Variants in LGMN observed in about 807,000 individuals in gnomAD.
LGMN encodes the protein asparaginyl endopeptidase.
LGMN carries 36 observed loss-of-function variants against 56.8 expected under a neutral mutation model. That is an observed-to-expected ratio of 0.63 (90% CI 0.49 to 0.84). The LOEUF is 0.84. Ranked by LOEUF, LGMN falls within the 40% of genes least tolerant of loss-of-function variation. The probability of loss-of-function intolerance (pLI) is 0.00; values close to 1 mark genes in which losing one functional copy is unlikely to be tolerated. For synonymous variants in LGMN, 199 were observed against 210.1 expected (o/e 0.95, Z 0.46); for missense variants, 446 against 556.1 (o/e 0.80, Z 1.99).
intron 2 of LGMN, among the ~76,000 whole-genome samples, chr14:92,719,299 GCCACCGCCGCCACCGCCGCCGCCGCCA>G (rs1890309216): frequency 4.7e-5 from 2 of 42,652 alleles, no homozygotes; most frequent in African/African-American, 1.2e-4. Flanking sequence ...CGCCGCCGCC[GCCACCGCCGCCACCGCCGCCGCCGCCA>G]CCGCCACCGC....
At chr14:92,728,708 C>G (rs983673005) in intron 2 of LGMN, among the ~76,000 whole-genome samples, 13 of 152,144 alleles carry the variant, frequency 8.5e-5, no homozygotes, top group African/African-American at 2.9e-4. Flanking sequence ...TGCCAAGATA[C>G]CCATGCCACA....
chr14:92,724,332 A>G (rs1422996945), intron 2 of LGMN, among the ~76,000 whole-genome samples: 1 of 152,050 alleles, frequency 6.6e-6, no homozygotes, highest in Non-Finnish European at 1.5e-5. Flanking sequence ...GCTGACCCCA[A>G]CTGTGCCTTA....
chr14:92,721,687 G>A (rs931107669), intron 2 of LGMN, among the ~76,000 whole-genome samples: 3 of 152,142 alleles, frequency 2.0e-5, no homozygotes, highest in Admixed American at 1.3e-4. Flanking sequence ...CAGATAACCA[G>A]AAAGTGTTCA....
rs891176980 is a variant in LGMN at position 92,718,640 on chromosome 14, C to T, written c.236+107G>A. 9.1e-6 allele frequency: 6 copies of T among 658,210 alleles called. No homozygotes were observed. The Admixed American group carries it at 1.2e-4, about 13-fold the overall frequency. 40.8% of individuals were successfully genotyped at this position (658,210 alleles called of 1,614,324 possible). A position where few individuals can be genotyped will look rare whatever the true frequency, so the allele number is the denominator to read the frequency against. On this transcript the variant is annotated intron_variant, in intron 3 of 13. Transcript: ENST00000334869. ...CCTGTGATCTTCTGTCTGGGAGTCTCTTATATATTTTAACATTAGGCCACT... is the reference window on the plus strand; with the variant it reads ...CCTGTGATCTTCTGTCTGGGAGTCTTTTATATATTTTAACATTAGGCCACT...
At chr14:92,731,936 C>T (rs1168876147) in intron 2 of LGMN, among the ~76,000 whole-genome samples, 2 of 152,232 alleles carry the variant, frequency 1.3e-5, no homozygotes, top group African/African-American at 4.8e-5. Context: ...TTCATGGACA[C>T]TCCGATGTGG....
intron 1 of LGMN, among the ~76,000 whole-genome samples, chr14:92,737,795 G>T (rs1891371046): frequency 6.6e-6 from 1 of 152,214 alleles, no homozygotes. Flanking sequence ...AAAAGAATAG[G>T]TTATGTTCCA....
intron 1 of LGMN, 120 bp from the exon 2 acceptor site, chr14:92,732,935 G>A (rs1211050424): frequency 1.5e-6 from 1 of 689,498 alleles, no homozygotes; most frequent in East Asian, 2.9e-5. Context: ...TGGATCAAGA[G>A]GTCAGGAGTT....
intron 13 of LGMN, 68 bp from the exon 14 acceptor site, chr14:92,704,429 C>T (rs951712975): frequency 4.5e-6 from 6 of 1,337,974 alleles, no homozygotes; most frequent in Non-Finnish European, 6.4e-6. Context: ...CAAACGCAAA[C>T]CCACATGCGG....
intron 1 of LGMN, among the ~76,000 whole-genome samples, chr14:92,744,837 G>A (rs950687024): frequency 1.1e-4 from 16 of 152,062 alleles, no homozygotes; most frequent in Non-Finnish European, 2.4e-4. Flanking sequence ...CAGGTGATCC[G>A]CCCGGCTCAG....
intron 10 of LGMN, among the ~76,000 whole-genome samples, chr14:92,710,760 A>G (rs531122694): frequency 5.4e-4 from 82 of 152,342 alleles, no homozygotes; most frequent in Middle Eastern, 3.4e-3. Context: ...GGCCAGGGCT[A>G]TGCCACCACT....
intron 11 of LGMN, among the ~76,000 whole-genome samples, chr14:92,707,146 T>A (rs145275369): frequency 6.6e-6 from 1 of 152,124 alleles, no homozygotes; most frequent in African/African-American, 2.4e-5. Context: ...CTCCCAGTAC[T>A]TTTAGGAGGC....
Position 92,704,364 on chromosome 14 carries a change from GCGAGAGA to G in LGMN, c.1260-10_1260-4del, listed in dbSNP as rs1889312229. On this transcript the variant is annotated splice_region_variant and splice_polypyrimidine_tract_variant and intron_variant, in intron 13 of 13. Coordinates refer to ENST00000334869, the MANE Select transcript of LGMN (RefSeq NM_005606.7). ...CGTGGTCCATGGACAATTTTATCCT[GCGAGAGA>G]CAGGAAGGAGAACTTGGTGAACCGT... 1 of 1,599,674 alleles carries G rather than the reference GCGAGAGA, an allele frequency of 6.3e-7. No individual in the cohort carries two copies. Among genetic ancestry groups the G allele is most frequent in the South Asian group, 1.1e-5 (1 of 90,480 alleles).
At chr14:92,743,345 C>CA (rs1256992249) in intron 1 of LGMN, among the ~76,000 whole-genome samples, 7 of 151,602 alleles carry the variant, frequency 4.6e-5, no homozygotes, top group Non-Finnish European at 1.0e-4. Flanking sequence ...ACTAAAAATA[C>CA]AAAAAAAATT....
rs150476729 is a variant in LGMN at position 92,710,585 on chromosome 14, A to G, written c.820-713T>C. Among the ~76,000 whole-genome samples the G allele has an allele frequency of 3.2e-3, 494 of 152,354 alleles. 4 individuals are homozygous for G. The highest frequency in any genetic ancestry group is 0.011 in the African/African-American group (476 of 41,586). ...GCGTTCTCTTCCTAAAGCAAGCAACAATAATCTAACAACAGTTCTAAAATC... is the reference window on the plus strand; with the variant it reads ...GCGTTCTCTTCCTAAAGCAAGCAACGATAATCTAACAACAGTTCTAAAATC... On this transcript the variant is annotated intron_variant, in intron 10 of 13. Coordinates refer to ENST00000334869, the MANE Select transcript of LGMN (RefSeq NM_005606.7).
At position 92,706,539 on chromosome 14, in the gene LGMN, A is replaced by G. The variant is rs1432629142; in HGVS notation, c.1135T>C (p.Tyr379His). Residue 379 changes from tyrosine to histidine, a missense_variant, in exon 12 of 14, where the codon TAC becomes CAC. Physicochemically the swap from Tyr to His is moderately conservative, Grantham distance 83 (BLOSUM62 2). Coordinates refer to ENST00000334869, the MANE Select transcript of LGMN (RefSeq NM_005606.7). ...ERAPLTGHSC[Y>H]PEALLHFRTH... ...CGGAAGTGCAGCAGGGCCTCTGGGT[A>G]GCAGCTGTGCCCCGTGAGCGGGGCT... 1 of 1,597,878 alleles carries G rather than the reference A, an allele frequency of 6.3e-7. No homozygotes were observed. Among genetic ancestry groups the G allele is most frequent in the Non-Finnish European group, 8.6e-7 (1 of 1,167,280 alleles).
rs1486163162 is a variant in LGMN at position 92,704,116 on chromosome 14, T to G, written c.*203A>C. ...CAATACAGAGCTTTTCCCACCCTAA[T>G]TTGTAGTTTTTCAGAAAAGACTGGG... On this transcript the variant is annotated 3_prime_UTR_variant, in exon 14 of 14. Transcript: ENST00000334869. The G allele has an allele frequency of 7.0e-6, 5 of 717,192 alleles. No homozygotes were observed. The highest frequency in any genetic ancestry group is 2.0e-5 in the Admixed American group (1 of 50,048). 44.4% of individuals were successfully genotyped at this position (717,192 alleles called of 1,614,324 possible). A position where few individuals can be genotyped will look rare whatever the true frequency, so the allele number is the denominator to read the frequency against.
intron 11 of LGMN, among the ~76,000 whole-genome samples, chr14:92,707,048 T>C (rs1889469615): frequency 6.6e-6 from 1 of 152,132 alleles, no homozygotes. Flanking sequence ...TTTTATTTTC[T>C]TTCCAGACAA....
chr14:92,706,492 G>A lies in LGMN; in HGVS notation c.1182C>T (p.His394=), dbSNP rs1170217393. Residue 394 remains histidine (H), a synonymous_variant, in exon 12 of 14, where the codon CAC becomes CAT. Coordinates refer to ENST00000334869, the MANE Select transcript of LGMN (RefSeq NM_005606.7). ...LHFRTHCFNW[H]SPTYEYALRH... The stretch of plus-strand genomic sequence containing the variant: ...GAGCCTGCTGGCTCACCGTGGGGGA[G>A]TGCCAGTTGAAGCAGTGGGTCCGGA... 4 of 1,550,874 alleles carry A rather than the reference G, an allele frequency of 2.6e-6. No homozygotes were observed. The highest frequency in any genetic ancestry group is 2.3e-5 in the East Asian group (1 of 43,622).
At chr14:92,711,581 A>G in intron 10 of LGMN, 78 bp downstream of exon 10, 1 of 1,259,418 alleles carries the variant, frequency 7.9e-7, no homozygotes, top group Non-Finnish European at 1.2e-6. Context: ...ATGTCTCTTT[A>G]GCAAGAGATC....
Sources: gnomAD v4.1 joint callset for allele counts (sites outside exome capture counted in the v4.1 genomes callset) on GRCh38, gnomAD v4.1.1 for gene constraint, MANE v1.5 for transcripts, NCBI Gene and HGNC (gene_info 2026-07-23, HGNC 2026-07-21) for gene names.